PRG4: variants seen among roughly 807,000 people sequenced by gnomAD.
PRG4 encodes proteoglycan 4, also known as articular superficial zone protein.
A neutral mutation model predicts 91.2 loss-of-function variants in PRG4; 61 were observed. The ratio of observed to expected loss-of-function variants is 0.67; its 90% CI spans 0.54 to 0.83. PRG4 has a LOEUF of 0.83. PRG4 is among the 40% of genes least tolerant of loss of function. The probability of loss-of-function intolerance (pLI) is 0.00; values close to 1 mark genes in which losing one functional copy is unlikely to be tolerated. For synonymous variants in PRG4, 576 were observed against 614.2 expected (o/e 0.94, Z 0.92); for missense variants, 1,564 against 1,714.2 (o/e 0.91, Z 1.55).
chr1:186,303,844 G>A (rs1440460904), intron 4 of PRG4, among the ~76,000 whole-genome samples: 3 of 152,176 alleles, frequency 2.0e-5, no homozygotes, highest in Admixed American at 2.0e-4. Context: ...CAATGGTAGA[G>A]GCTCGCAGGC....
chr1:186,307,257 A>C lies in PRG4; in HGVS notation c.1538A>C (p.Glu513Ala). 6.3e-7 allele frequency: 1 copy of C among 1,578,572 alleles called. No individual in the cohort carries two copies. Among genetic ancestry groups the C allele is most frequent in the Non-Finnish European group, 8.6e-7 (1 of 1,167,422 alleles). Residue 513 changes from glutamate (E) to alanine (A), a missense_variant, in exon 7 of 13, where the codon GAG (glutamate) becomes GCG (alanine). By Grantham distance (107) the Glu-to-Ala change is moderately radical. Transcript: ENST00000445192. ...PKEPAPTTTK[E>A]PSPTTPKEPA... ...GAGCCTGCACCCACCACCACCAAGG[A>C]GCCTTCACCCACCACTCCCAAGGAG... is the stretch of plus-strand genomic sequence containing the variant.
Position 186,308,714 on chromosome 1 carries a change from A to G in PRG4, c.2995A>G (p.Asn999Asp), listed in dbSNP as rs750094501. 1 of 1,613,904 alleles carries G rather than the reference A, an allele frequency of 6.2e-7. No homozygotes were observed. The highest frequency in any genetic ancestry group is 1.3e-5 in the African/African-American group (1 of 75,040). Reference protein sequence around the residue: ...KKTITTTEIMNKPEETAKPKD... With the variant: ...KKTITTTEIMDKPEETAKPKD... ...GACAATTACTACCACTGAGATTATG[A>G]ACAAACCTGAAGAAACAGCTAAACC... is the stretch of plus-strand genomic sequence containing the variant. The change falls in exon 7 of 13, where the codon AAC (asparagine) becomes GAC (aspartate). Residue 999 changes from asparagine (N) to aspartate (D), a missense_variant. Around this residue, in one of 3 missense-constraint regions of PRG4, gnomAD observed 1,079 missense variants for 1,162.2 expected, o/e 0.93. Coordinates refer to ENST00000445192, the MANE Select transcript of PRG4 (RefSeq NM_005807.6).
rs1553224641 is a variant in PRG4 at position 186,308,682 on chromosome 1, C to T, written c.2963C>T (p.Thr988Ile). Residue 988 changes from threonine (T) to isoleucine (I), a missense_variant, in exon 7 of 13, where the codon ACA becomes ATA. Thr to Ile is a moderately conservative substitution (Grantham distance 89). This residue lies in a region of PRG4 where 1,079 missense variants were observed against 1,162.2 expected (regional missense o/e 0.93). Coordinates refer to ENST00000445192, the MANE Select transcript of PRG4 (RefSeq NM_005807.6). Reference protein sequence around the residue: ...TTTLAPKVTTTKKTITTTEIM... With the variant: ...TTTLAPKVTTIKKTITTTEIM... ...ACTCTTGCACCCAAAGTAACTACAA[C>T]AAAAAAGACAATTACTACCACTGAG... 4 of 1,610,696 alleles carry T rather than the reference C, an allele frequency of 2.5e-6. No individual in the cohort carries two copies. The African/African-American group carries it at 4.0e-5, about 16-fold the overall frequency.
chr1:186,307,791 C>T lies in PRG4; in HGVS notation c.2072C>T (p.Thr691Ile). 4 of 1,611,980 alleles carry T rather than the reference C, an allele frequency of 2.5e-6. No individual in the cohort carries two copies. Among genetic ancestry groups the T allele is most frequent in the Non-Finnish European group, 3.4e-6 (4 of 1,179,648 alleles). The change falls in exon 7 of 13, where the codon ACT becomes ATT. Residue 691 changes from threonine (T) to isoleucine (I), a missense_variant. By Grantham distance (89) the Thr-to-Ile change is moderately conservative (BLOSUM62 -1). Coordinates refer to ENST00000445192, the MANE Select transcript of PRG4 (RefSeq NM_005807.6). ...APTTPKEPAPTTPKEPAPTTP... is the reference protein window; with the variant it reads ...APTTPKEPAPITPKEPAPTTP... ...ACTACCCCTAAGGAGCCTGCTCCAACTACCCCTAAGGAGCCTGCTCCAACT... is the reference window on the plus strand; with the variant it reads ...ACTACCCCTAAGGAGCCTGCTCCAATTACCCCTAAGGAGCCTGCTCCAACT...
At chr1:186,300,650 G>A (rs1656152400) in intron 3 of PRG4, among the ~76,000 whole-genome samples, 1 of 152,144 alleles carries the variant, frequency 6.6e-6, no homozygotes, top group Admixed American at 6.5e-5. Context: ...GAATAATCTT[G>A]TCTACCATTG....
intron 4 of PRG4, among the ~76,000 whole-genome samples, chr1:186,302,832 G>T (rs1382610019): frequency 6.6e-6 from 1 of 152,142 alleles, no homozygotes; most frequent in East Asian, 1.9e-4. Context: ...AGGGAGTGAA[G>T]ATGGTTAGAA....
intron 11 of PRG4, 42 bp from the exon 12 acceptor site, chr1:186,312,727 G>T: frequency 6.3e-7 from 1 of 1,598,900 alleles, no homozygotes; most frequent in Non-Finnish European, 8.6e-7. Flanking sequence ...ATAGTACATT[G>T]CCTTTTAATC....
In PRG4 at chr1:186,312,851, C is replaced by T. The variant is rs775987208; in HGVS notation, c.4074C>T (p.Asn1358=). The T allele has an allele frequency of 2.5e-6, 4 of 1,612,536 alleles. No individual in the cohort carries two copies. The Admixed American group carries it at 5.0e-5, about 20-fold the overall frequency. ...NVVTSAISLP[N]IRKPDGYDYY... ...TTACCTCAGCTATATCACTGCCCAACATCAGAAAACCTGACGGCTATGATT... is the reference window on the plus strand; with the variant it reads ...TTACCTCAGCTATATCACTGCCCAATATCAGAAAACCTGACGGCTATGATT... Residue 1358 remains asparagine, a synonymous_variant, in exon 12 of 13, where the codon AAC becomes AAT. Transcript: ENST00000445192.
rs763784257 is a variant in PRG4, at chr1:186,309,883, C to G, written c.3499+13C>G. 2.5e-6 allele frequency: 4 copies of G among 1,605,388 alleles called. No individual in the cohort carries two copies. The highest frequency in any genetic ancestry group is 2.2e-5 in the South Asian group (2 of 90,922). ...GTTGCATTCCGAGGTGAGCTATGTA[C>G]ACATTTATTTTTCTTCTCATCATTC... On this transcript the variant is annotated intron_variant, in intron 8 of 12. Coordinates refer to ENST00000445192, the MANE Select transcript of PRG4 (RefSeq NM_005807.6).
rs749145049 is a variant in PRG4 at position 186,307,386 on chromosome 1, C to T, written c.1667C>T (p.Thr556Ile). Residue 556 changes from threonine to isoleucine, a missense_variant, in exon 7 of 13, where the codon ACC becomes ATC. Physicochemically the swap from Thr to Ile is moderately conservative, Grantham distance 89 (BLOSUM62 -1). Transcript: ENST00000445192. ...PTTPKEPSPT[T>I]TKEPAPTTPK... Reference sequence around the variant, plus strand: ...ACTCCCAAGGAGCCTTCACCCACCACCACCAAGGAGCCTGCACCCACCACT... The same window carrying T: ...ACTCCCAAGGAGCCTTCACCCACCATCACCAAGGAGCCTGCACCCACCACT... 1 of 1,604,748 alleles carries T rather than the reference C, an allele frequency of 6.2e-7. No individual in the cohort carries two copies. The highest frequency in any genetic ancestry group is 1.1e-5 in the South Asian group (1 of 90,564).
chr1:186,299,183 G>A (rs1452015220), intron 2 of PRG4, among the ~76,000 whole-genome samples: 3 of 152,146 alleles, frequency 2.0e-5, no homozygotes, highest in Admixed American at 2.0e-4. Flanking sequence ...AAAAATATTT[G>A]AGAATGAGTA....
At chr1:186,313,214 G>T (rs1657417579) in intron 12 of PRG4, 3 of 411,072 alleles carry the variant, frequency 7.3e-6, no homozygotes, top group Non-Finnish European at 1.4e-5. Flanking sequence ...AGGTTATAAT[G>T]ATTTGCATCA....
chr1:186,310,930 C>A (rs1255941479), intron 8 of PRG4, 104 bp from the exon 9 acceptor site: 13 of 1,268,766 alleles, frequency 1.0e-5, no homozygotes, highest in Non-Finnish European at 9.1e-6. Context: ...ACTAAACTTC[C>A]AGTCATACAA....
At position 186,304,843 on chromosome 1, in the gene PRG4, C is replaced by G. The variant is rs760457838; in HGVS notation, c.519C>G (p.Ser173=). The change falls in exon 6 of 13, where the codon TCC becomes TCG. Residue 173 remains serine (S), a synonymous_variant. Transcript: ENST00000445192. ...AGTCCTCCTCCTCCTCCTCCTCTTC[C>G]TCTTCTTCTTCAACAATTCGGAAAA... ...NQESSSSSSS[S]SSSSTIRKIK... 2 of 1,612,156 alleles carry G rather than the reference C, an allele frequency of 1.2e-6. No individual in the cohort carries two copies. Among genetic ancestry groups the G allele is most frequent in the Admixed American group, 1.7e-5 (1 of 59,982 alleles).
intron 4 of PRG4, among the ~76,000 whole-genome samples, chr1:186,302,887 A>G (rs1046775026): frequency 1.3e-5 from 2 of 152,164 alleles, no homozygotes; most frequent in African/African-American, 4.8e-5. Flanking sequence ...ATAATACTTT[A>G]TGTTATGAAA....
chr1:186,304,952 T>G, intron 6 of PRG4, 30 bp downstream of exon 6: 1 of 1,603,802 alleles, frequency 6.2e-7, no homozygotes, highest in Non-Finnish European at 8.5e-7. Context: ...TCAAAGACTG[T>G]ATCAATGCCA....
chr1:186,305,781 CT>C (rs1397549932), intron 6 of PRG4, among the ~76,000 whole-genome samples: 1 of 152,170 alleles, frequency 6.6e-6, no homozygotes, highest in African/African-American at 2.4e-5. Context: ...CTTATGTCCC[CT>C]GGGACCTGCA....
chr1:186,309,768 G>A (rs774685282), intron 7 of PRG4, 25 bp from the exon 8 acceptor site: 2 of 1,526,058 alleles, frequency 1.3e-6, no homozygotes, highest in Non-Finnish European at 1.8e-6. Flanking sequence ...TTCTATATTT[G>A]TTTTGTTTTT....
intron 2 of PRG4, among the ~76,000 whole-genome samples, chr1:186,297,526 C>T (rs1655938498): frequency 6.6e-6 from 1 of 152,126 alleles, no homozygotes; most frequent in South Asian, 2.1e-4. Flanking sequence ...TAACATTAAA[C>T]TTTTCACAGT....
Sources: allele counts gnomAD v4.1 joint callset (sites outside exome capture counted in the v4.1 genomes callset), GRCh38; gene constraint gnomAD v4.1.1; regional missense constraint gnomAD v4.1.1; transcripts MANE v1.5; gene names NCBI Gene and HGNC (gene_info 2026-07-23, HGNC 2026-07-21).